PAPSS1: variants seen among roughly 807,000 people sequenced by gnomAD.
PAPSS1 encodes the protein bifunctional 3'-phosphoadenosine 5'-phosphosulfate synthase 1.
Under a neutral mutation model 72.0 loss-of-function variants are expected in PAPSS1, and 50 were observed. That is an observed-to-expected ratio of 0.69 (90% CI 0.55 to 0.88). The LOEUF (loss-of-function observed/expected upper bound fraction) is 0.88. PAPSS1 is among the 40% of genes least tolerant of loss of function. The pLI is 0.00. For synonymous variants in PAPSS1, 261 were observed against 263.6 expected, an observed-to-expected ratio of 0.99 and a Z score of 0.09; for missense variants, 657 against 782.2, an observed-to-expected ratio of 0.84 and a Z score of 1.91.
At chr4:107,703,343 G>A (rs1243725441) in intron 1 of PAPSS1, among the ~76,000 whole-genome samples, 1 of 150,956 alleles carries the variant, frequency 6.6e-6, no homozygotes, top group Non-Finnish European at 1.5e-5. Context: ...TTGCTGTGGA[G>A]ACAATTTTTA....
intron 1 of PAPSS1, chr4:107,719,867 G>C: frequency 7.4e-7 from 1 of 1,350,266 alleles, no homozygotes; most frequent in Non-Finnish European, 9.5e-7. Context: ...TGGGGAGGGG[G>C]GGCGTTCTTC....
chr4:107,629,413 T>C (rs796091366), intron 11 of PAPSS1, among the ~76,000 whole-genome samples: 1 of 152,316 alleles, frequency 6.6e-6, no homozygotes, highest in African/African-American at 2.4e-5. Context: ...ACAATTTTGA[T>C]AGTAGAGACA....
chr4:107,696,458 C>T lies in PAPSS1; in HGVS notation c.176-2452G>A, dbSNP rs1669306944. Among the ~76,000 whole-genome samples the T allele has an allele frequency of 3.3e-5, 5 of 152,096 alleles. 2 individuals are homozygous for T. Among genetic ancestry groups the T allele is most frequent in the Admixed American group, 3.3e-4 (5 of 15,262 alleles). On this transcript the variant is annotated intron_variant, in intron 2 of 11. Transcript: ENST00000265174. ...CGGAGCTGGAAGCCATCATCCTCGG[C>T]AAACTAACACAGGAACAGAACACCA...
intron 11 of PAPSS1, among the ~76,000 whole-genome samples, chr4:107,620,712 A>G (rs1340076621): frequency 6.6e-6 from 1 of 152,192 alleles, no homozygotes; most frequent in Non-Finnish European, 1.5e-5. Flanking sequence ...TCCAGAACAA[A>G]GAATTATCTG....
chr4:107,711,581 C>T (rs970969055), intron 1 of PAPSS1, among the ~76,000 whole-genome samples: 2 of 152,216 alleles, frequency 1.3e-5, no homozygotes, highest in African/African-American at 4.8e-5. Flanking sequence ...CATCTTTCAT[C>T]CATCCTATCA....
intron 6 of PAPSS1, among the ~76,000 whole-genome samples, chr4:107,659,535 C>A (rs911590156): frequency 6.6e-6 from 1 of 152,050 alleles, no homozygotes; most frequent in Non-Finnish European, 1.5e-5. Context: ...ATCATCAGAG[C>A]TAAGATACAC....
intron 1 of PAPSS1, among the ~76,000 whole-genome samples, chr4:107,713,773 G>GGA (rs1553922962): frequency 1.4e-5 from 2 of 146,448 alleles, no homozygotes; most frequent in Non-Finnish European, 3.0e-5. Context: ...AAAAAAAAAA[G>GGA]AAAAAAAAAT....
At chr4:107,719,184 C>CTT (rs1553923211) in intron 1 of PAPSS1, among the ~76,000 whole-genome samples, 3 of 51,998 alleles carry the variant, frequency 5.8e-5, no homozygotes, top group Non-Finnish European at 2.1e-4. Flanking sequence ...CCTGAAATTG[C>CTT]TTGTTTTTTT....
chr4:107,616,119 A>C (rs60277102), intron 11 of PAPSS1, among the ~76,000 whole-genome samples: 4,833 of 152,108 alleles, frequency 0.032, 245 homozygotes, highest in African/African-American at 0.11. Flanking sequence ...CACATAAAGA[A>C]ATATGCCCTA....
chr4:107,716,021 C>T (rs758106472), intron 1 of PAPSS1, among the ~76,000 whole-genome samples: 1 of 152,144 alleles, frequency 6.6e-6, no homozygotes, highest in Non-Finnish European at 1.5e-5. Flanking sequence ...GAGCTTATTC[C>T]GTTACTTAAG....
At chr4:107,629,902 C>A (rs1726187907) in intron 11 of PAPSS1, among the ~76,000 whole-genome samples, 1 of 152,310 alleles carries the variant, frequency 6.6e-6, no homozygotes, top group South Asian at 2.1e-4. Context: ...CATGGCAATG[C>A]TCCTGCTCAT....
At chr4:107,712,678 T>C (rs890836526) in intron 1 of PAPSS1, among the ~76,000 whole-genome samples, 10 of 151,914 alleles carry the variant, frequency 6.6e-5, no homozygotes, top group Admixed American at 3.9e-4. Context: ...ATCGAGACTA[T>C]CCTGGCCAAC....
At chr4:107,702,944 T>C (rs924377169) in intron 1 of PAPSS1, among the ~76,000 whole-genome samples, 2 of 152,332 alleles carry the variant, frequency 1.3e-5, no homozygotes, top group East Asian at 1.9e-4. Flanking sequence ...TTGATTTCCA[T>C]AATGGCTATA....
chr4:107,642,319 C>T (rs891306003), intron 10 of PAPSS1, among the ~76,000 whole-genome samples: 1 of 151,884 alleles, frequency 6.6e-6, no homozygotes, highest in Non-Finnish European at 1.5e-5. Flanking sequence ...AGCTCTGGAG[C>T]CAGATTACTT....
chr4:107,684,881 G>A lies in PAPSS1; in HGVS notation c.550+2158C>T, dbSNP rs368230617. 4.7e-4 allele frequency among the ~76,000 whole-genome samples: 71 copies of A among 152,136 alleles called. No homozygotes were observed. The South Asian group carries it at 0.014, about 29-fold the overall frequency. ...GCTGTGTCACGGGCCATGGTCAATC[G>A]TATTTGGTTCAGAGTAAATCTCTTC... On this transcript the variant is annotated intron_variant, in intron 4 of 11. Coordinates refer to ENST00000265174, the MANE Select transcript of PAPSS1 (RefSeq NM_005443.5).
At chr4:107,627,172 A>G (rs1041264381) in intron 11 of PAPSS1, among the ~76,000 whole-genome samples, 1 of 152,216 alleles carries the variant, frequency 6.6e-6, no homozygotes, top group Admixed American at 6.5e-5. Flanking sequence ...ATGCAAAGAG[A>G]CCACAGTAAT....
chr4:107,695,606 A>G (rs1187015036), intron 2 of PAPSS1, among the ~76,000 whole-genome samples: 1 of 152,158 alleles, frequency 6.6e-6, no homozygotes, highest in Non-Finnish European at 1.5e-5. Flanking sequence ...TTGTCCATTC[A>G]GTATGATATT....
chr4:107,693,764 C>T lies in PAPSS1; in HGVS notation c.411+7G>A. On this transcript the variant is annotated splice_region_variant and intron_variant, in intron 3 of 11. Transcript: ENST00000265174. ...AGCAGAAAGGCAATGGCACAAAAAC[C>T]ACATACCTGAGTGTAAGGTGATATG... 1 of 1,600,922 alleles carries T rather than the reference C, an allele frequency of 6.2e-7. No individual in the cohort carries two copies. Among genetic ancestry groups the T allele is most frequent in the Non-Finnish European group, 8.6e-7 (1 of 1,168,122 alleles).
intron 5 of PAPSS1, among the ~76,000 whole-genome samples, chr4:107,674,907 A>G (rs1443217802): frequency 6.6e-6 from 1 of 152,220 alleles, no homozygotes; most frequent in Non-Finnish European, 1.5e-5. Flanking sequence ...CTACATGGAA[A>G]CTGAACAACC....
Sources: gnomAD v4.1 joint callset for allele counts (sites outside exome capture counted in the v4.1 genomes callset) on GRCh38, gnomAD v4.1.1 for gene constraint, MANE v1.5 for transcripts, NCBI Gene and HGNC (gene_info 2026-07-23, HGNC 2026-07-21) for gene names.